FYB2: variants seen among roughly 807,000 people sequenced by gnomAD.
FYB2 encodes the protein FYN-binding protein 2.
In FYB2, 103 loss-of-function variants were observed where a neutral mutation model predicts 94.1. The ratio of observed to expected loss-of-function variants is 1.09; its 90% CI spans 0.93 to 1.29. The LOEUF (loss-of-function observed/expected upper bound fraction) is 1.29. Among genes scored for constraint, FYB2 ranks in the 50% most tolerant of loss-of-function variants. FYB2 has a pLI of 0.00. For synonymous variants in FYB2, 293 were observed against 287.9 expected (o/e 1.02, Z -0.18); for missense variants, 896 against 841.5 (o/e 1.06, Z -0.80).
chr1:56,791,572 A>G (rs902620389), intron 2 of FYB2, among the ~76,000 whole-genome samples: 1 of 152,156 alleles, frequency 6.6e-6, no homozygotes, highest in Admixed American at 6.5e-5. Flanking sequence ...CATAACTTAG[A>G]TAATACTAAG....
chr1:56,821,207 T>C (rs1646987400), upstream of FYB2, among the ~76,000 whole-genome samples: 1 of 152,192 alleles, frequency 6.6e-6, no homozygotes, highest in Non-Finnish European at 1.5e-5. Context: ...TTGCTCCTAG[T>C]GCAAGGGCTC....
At chr1:56,820,300 A>G (rs1477504948), upstream of FYB2, among the ~76,000 whole-genome samples, 2 of 151,808 alleles carry the variant, frequency 1.3e-5, no homozygotes, top group African/African-American at 2.4e-5. Context: ...CATAGGTAGT[A>G]ACTAGAAGAG....
At chr1:56,811,979 G>A (rs1043341893) in intron 1 of FYB2, among the ~76,000 whole-genome samples, 1 of 151,810 alleles carries the variant, frequency 6.6e-6, no homozygotes, top group Non-Finnish European at 1.5e-5. Context: ...TGGTCTTTGA[G>A]GTAAGCCATT....
chr1:56,751,104 T>C lies in FYB2; in HGVS notation c.1327A>G (p.Ile443Val), dbSNP rs141170672. The stretch of plus-strand genomic sequence containing the variant: ...TCAGGGCAGGGATTTGTCTGGATGA[T>C]GTCAATCATGGCCTCTTGCTTTCCA... ...LAGKQEAMID[I>V]IQTNPCPEGP... Residue 443 changes from isoleucine to valine, a missense_variant, in exon 9 of 20, where the codon ATC (isoleucine) becomes GTC (valine). By Grantham distance (29) the Ile-to-Val change is conservative (BLOSUM62 3). Transcript: ENST00000343433. 1.5e-5 allele frequency: 24 copies of C among 1,612,932 alleles called. No individual in the cohort carries two copies. The African/African-American group carries it at 2.7e-4, about 18-fold the overall frequency.
intron 12 of FYB2, 46 bp from the exon 13 acceptor site, chr1:56,740,841 A>T (rs749774712): frequency 7.7e-7 from 1 of 1,297,276 alleles, no homozygotes; most frequent in Non-Finnish European, 1.1e-6. Flanking sequence ...TTAAGAGAGT[A>T]CTAGAGATAG....
chr1:56,737,078 A>G lies in FYB2; in HGVS notation c.1793+9T>C. 1 of 1,586,366 alleles carries G rather than the reference A, an allele frequency of 6.3e-7. No homozygotes were observed. The highest frequency in any genetic ancestry group is 8.6e-7 in the Non-Finnish European group (1 of 1,157,686). ...TCAGCAGGGATGACCAATAAGGTAA[A>G]TTACTTACTTTGACTCTTTTTCACT... On this transcript the variant is annotated intron_variant, in intron 15 of 19. Transcript: ENST00000343433.
intron 1 of FYB2, among the ~76,000 whole-genome samples, chr1:56,794,476 A>G (rs1375092049): frequency 1.3e-5 from 2 of 152,196 alleles, no homozygotes; most frequent in Non-Finnish European, 2.9e-5. Flanking sequence ...TCTCCATGGC[A>G]GTGACTTTTG....
chr1:56,745,068 A>G (rs550400446), intron 9 of FYB2, among the ~76,000 whole-genome samples: 11 of 152,028 alleles, frequency 7.2e-5, no homozygotes, highest in East Asian at 1.9e-4. Context: ...AACCATCTCA[A>G]TGAATGTCAG....
At position 56,726,525 on chromosome 1, in the gene FYB2, C is replaced by CT. The variant is rs751048223; in HGVS notation, c.1851dup (p.Glu618ArgfsTer6). ...TCTGATTCTTCAGCACCGTTTTTCT[C>CT]TTTTTTTTCCTTTGGTGTCAGAAAC... On this transcript the variant is annotated frameshift_variant, in exon 16 of 20. Transcript: ENST00000343433. LOFTEE classifies it high-confidence loss of function. 10 of 1,611,460 alleles carry CT rather than the reference C, an allele frequency of 6.2e-6. No individual in the cohort carries two copies. In the East Asian group the frequency reaches 6.7e-5, roughly 11 times the overall value.
intron 5 of FYB2, among the ~76,000 whole-genome samples, chr1:56,765,017 C>A (rs954615894): frequency 6.6e-6 from 1 of 152,158 alleles, no homozygotes; most frequent in South Asian, 2.1e-4. Flanking sequence ...TAAATACCAT[C>A]GCATTGGGGG....
At chr1:56,765,684 T>C (rs1038926694) in intron 5 of FYB2, among the ~76,000 whole-genome samples, 1 of 152,162 alleles carries the variant, frequency 6.6e-6, no homozygotes, top group African/African-American at 2.4e-5. Context: ...TCTGAGTTGC[T>C]AACTTTTTTA....
Position 56,726,504 on chromosome 1 carries a change from A to T in FYB2, c.1873T>A (p.Ser625Thr), listed in dbSNP as rs759424291. 6.2e-7 allele frequency: 1 copy of T among 1,611,250 alleles called. No homozygotes were observed. Among genetic ancestry groups the T allele is most frequent in the Admixed American group, 1.7e-5 (1 of 59,630 alleles). The stretch of plus-strand genomic sequence containing the variant: ...GTGCCTCTGTGTTCCCACCTTTCTG[A>T]TTCTTCAGCACCGTTTTTCTCTTTT... ...EKKEKNGAEE[S>T]ESFSPRNFFK... Residue 625 changes from serine (S) to threonine (T), a missense_variant, in exon 16 of 20, where the codon TCA (serine) becomes ACA (threonine). Physicochemically the swap from Ser to Thr is moderately conservative, Grantham distance 58 (BLOSUM62 1). Transcript: ENST00000343433.
At chr1:56,792,903 T>C in intron 1 of FYB2, 100 bp from the exon 2 acceptor site, 1 of 1,224,902 alleles carries the variant, frequency 8.2e-7, no homozygotes, top group South Asian at 1.5e-5. Flanking sequence ...AAAGTCAGTG[T>C]GATTAGATCT....
At chr1:56,809,231 T>C (rs1646711409) in intron 1 of FYB2, among the ~76,000 whole-genome samples, 1 of 152,256 alleles carries the variant, frequency 6.6e-6, no homozygotes, top group Admixed American at 6.5e-5. Context: ...GATCATTCGT[T>C]CAATTACTAG....
rs137958195 is a variant in FYB2, at chr1:56,754,176, A to G, written c.1131-241T>C. 9.7e-4 allele frequency among the ~76,000 whole-genome samples: 148 copies of G among 152,108 alleles called. 2 individuals carry two copies. Among genetic ancestry groups the G allele is most frequent in the African/African-American group, 3.2e-3 (133 of 41,510 alleles). Reference sequence around the variant, plus strand: ...AAAATCTTCTAACTCCCTATTGCCTATAGGATAAAACTTAAGTTTCATCGT... The same window carrying G: ...AAAATCTTCTAACTCCCTATTGCCTGTAGGATAAAACTTAAGTTTCATCGT... On this transcript the variant is annotated intron_variant, in intron 7 of 19. Transcript: ENST00000343433.
At chr1:56,818,496 A>G (rs1164592703) in intron 1 of FYB2, among the ~76,000 whole-genome samples, 3 of 129,206 alleles carry the variant, frequency 2.3e-5, no homozygotes, top group Non-Finnish European at 5.2e-5. Context: ...ACACACACAC[A>G]CACATGCACA....
intron 7 of FYB2, 73 bp from the exon 8 acceptor site, chr1:56,754,008 AAATGAAATG>A: frequency 1.1e-6 from 1 of 883,320 alleles, no homozygotes. Context: ...GTCCAATCCT[AAATGAAATG>A]AATGGGAAAA....
At chr1:56,812,338 C>T (rs1420936930) in intron 1 of FYB2, among the ~76,000 whole-genome samples, 1 of 152,066 alleles carries the variant, frequency 6.6e-6, no homozygotes, top group Non-Finnish European at 1.5e-5. Flanking sequence ...TTCACCATGA[C>T]TATGGTAAAA....
intron 15 of FYB2, among the ~76,000 whole-genome samples, chr1:56,733,882 A>G (rs1390849920): frequency 1.3e-5 from 2 of 152,104 alleles, no homozygotes; most frequent in Non-Finnish European, 2.9e-5. Context: ...AGAATAATGT[A>G]TATTCTGTTG....
Sources: gnomAD v4.1 joint callset for allele counts (sites outside exome capture counted in the v4.1 genomes callset) on GRCh38, gnomAD v4.1.1 for gene constraint, MANE v1.5 for transcripts, NCBI Gene and HGNC (gene_info 2026-07-23, HGNC 2026-07-21) for gene names.